The following LANCL3 variants were observed in gnomAD, a reference collection of about 807,000 sequenced individuals.
LANCL3 encodes lanC-like protein 3.
Under a neutral mutation model 26.5 loss-of-function variants are expected in LANCL3, and 19 were observed. The observed-to-expected ratio is 0.72, with a 90% CI of 0.50 to 1.05. LANCL3 has a LOEUF of 1.05. Among genes scored for constraint, LANCL3 ranks in the 50% least tolerant of loss-of-function variants. The pLI is 0.00. For synonymous variants in LANCL3, 160 were observed against 166.6 expected (o/e 0.96, Z 0.30); for missense variants, 318 against 362.7 (o/e 0.88, Z 1.00).
chrX:37,659,652 C>T lies in LANCL3; in HGVS notation c.888C>T (p.Gly296=), dbSNP rs781867184. The T allele has an allele frequency of 4.0e-5, 48 of 1,204,347 alleles. No homozygotes were observed. The highest frequency in any genetic ancestry group is 1.2e-4 in the South Asian group (7 of 56,431). ...ATGAGCTGGTGCACTGGTGCCATGG[C>T]GCTCCAGGTCTCACACACTCTGTTA... ...RENELVHWCH[G]APGIAYLFAK... The change falls in exon 3 of 5, where the codon GGC becomes GGT. Residue 296 remains glycine (G), a synonymous_variant. Coordinates refer to ENST00000378619, the MANE Select transcript of LANCL3 (RefSeq NM_001170331.2).
At chrX:37,591,286 C>A (rs1924266691) in intron 1 of LANCL3, among the ~76,000 whole-genome samples, 1 of 111,712 alleles carries the variant, frequency 9.0e-6, no homozygotes, top group Non-Finnish European at 1.9e-5. Flanking sequence ...CTTGGGCTTG[C>A]ACCCCAAGAT....
intron 1 of LANCL3, among the ~76,000 whole-genome samples, chrX:37,597,668 CTTTTTTTTTT>C (rs57097813): frequency 2.5e-5 from 2 of 79,831 alleles, no homozygotes; most frequent in Non-Finnish European, 4.7e-5. Context: ...CACACGCCAC[CTTTTTTTTTT>C]TTTTTTTTTT....
chrX:37,666,129 C>T (rs188917742), intron 3 of LANCL3, among the ~76,000 whole-genome samples: 17 of 111,812 alleles, frequency 1.5e-4, no homozygotes, highest in Non-Finnish European at 2.4e-4. Flanking sequence ...AATCATGACT[C>T]TCATACAAAT....
At chrX:37,593,417 A>C (rs1355759988) in intron 1 of LANCL3, among the ~76,000 whole-genome samples, 2 of 112,444 alleles carry the variant, frequency 1.8e-5, no homozygotes, top group African/African-American at 6.5e-5. Context: ...AAAGTTTCAT[A>C]TTCCATGTTA....
chrX:37,587,527 G>A (rs1207882345), intron 1 of LANCL3, among the ~76,000 whole-genome samples: 19 of 112,713 alleles, frequency 1.7e-4, no homozygotes, highest in African/African-American at 5.5e-4. Context: ...TGCTGCTGCC[G>A]TGCAGTTCGA....
chrX:37,664,409 T>C (rs187274200), intron 3 of LANCL3, among the ~76,000 whole-genome samples: 23 of 112,339 alleles, frequency 2.0e-4, no homozygotes, highest in Admixed American at 2.0e-3. Flanking sequence ...GCCTGGCATA[T>C]AGCAGATGCC....
chrX:37,629,668 G>A (rs1219995297), intron 1 of LANCL3, among the ~76,000 whole-genome samples: 2 of 109,448 alleles, frequency 1.8e-5, no homozygotes, highest in Non-Finnish European at 3.8e-5. Context: ...TCTACATATG[G>A]CTAGCCAGTT....
chrX:37,644,359 A>G (rs968802348), intron 1 of LANCL3, among the ~76,000 whole-genome samples: 3 of 111,975 alleles, frequency 2.7e-5, no homozygotes, highest in African/African-American at 9.8e-5. Flanking sequence ...AACATTTGAG[A>G]AGCTGTGGCC....
chrX:37,667,510 C>CTT (rs146169882), intron 4 of LANCL3, 21 bp downstream of exon 4: 2,665 of 819,475 alleles, frequency 3.3e-3, no homozygotes, highest in African/African-American at 0.021. Context: ...CTTTATGGGT[C>CTT]TTTTTTTTTT....
intron 1 of LANCL3, among the ~76,000 whole-genome samples, chrX:37,634,268 T>G (rs1407413891): frequency 1.8e-5 from 2 of 112,366 alleles, no homozygotes; most frequent in Admixed American, 9.3e-5. Context: ...TGGTGCGCCG[T>G]TTTTTAAGCC....
At chrX:37,647,187 G>A (rs781869822) in intron 1 of LANCL3, among the ~76,000 whole-genome samples, 5 of 110,454 alleles carry the variant, frequency 4.5e-5, no homozygotes, top group South Asian at 7.9e-4. Flanking sequence ...GGTGGCAGGC[G>A]CCTGTAGTCC....
chrX:37,616,564 G>T (rs1243633891), intron 1 of LANCL3, among the ~76,000 whole-genome samples: 1 of 112,125 alleles, frequency 8.9e-6, no homozygotes, highest in Non-Finnish European at 1.9e-5. Context: ...CTGACTAGAA[G>T]ATCAGTGACT....
intron 1 of LANCL3, among the ~76,000 whole-genome samples, chrX:37,623,634 A>G (rs1556422631): frequency 8.9e-6 from 1 of 112,233 alleles, no homozygotes; most frequent in East Asian, 2.8e-4. Context: ...TATATGATTT[A>G]TTTTTATTAA....
chrX:37,669,994 ATAGT>A lies in LANCL3; in HGVS notation c.1103+2508_1103+2511del, dbSNP rs782249765. Among the ~76,000 whole-genome samples, 725 of 112,641 alleles carry A rather than the reference ATAGT, an allele frequency of 6.4e-3. 6 individuals carry two copies. Among genetic ancestry groups the A allele is most frequent in the African/African-American group, 0.022 (698 of 31,036 alleles). On this transcript the variant is annotated intron_variant, in intron 4 of 4. Coordinates refer to ENST00000378619, the MANE Select transcript of LANCL3 (RefSeq NM_001170331.2). ...CTATCTCATTTTTTAAAATGGCTATATAGTTATTCACTATGCATGTATGATAATT... is the reference window on the plus strand; with the variant it reads ...CTATCTCATTTTTTAAAATGGCTATATATTCACTATGCATGTATGATAATT...
intron 1 of LANCL3, among the ~76,000 whole-genome samples, chrX:37,576,009 A>G (rs5917932): frequency 4.5e-5 from 5 of 111,874 alleles, no homozygotes; most frequent in African/African-American, 1.3e-4. Context: ...AACTGATTCT[A>G]TTTCTCACTT....
intron 1 of LANCL3, among the ~76,000 whole-genome samples, chrX:37,607,570 A>T (rs1924750675): frequency 8.9e-6 from 1 of 112,682 alleles, no homozygotes; most frequent in Non-Finnish European, 1.9e-5. Flanking sequence ...ATATTTTCAA[A>T]ACAAATATCA....
intron 1 of LANCL3, among the ~76,000 whole-genome samples, chrX:37,586,448 T>C (rs1924083818): frequency 8.9e-6 from 1 of 112,092 alleles, no homozygotes; most frequent in African/African-American, 3.2e-5. Context: ...CAGACGTACA[T>C]TTGGTCTTTT....
At chrX:37,593,286 A>G (rs1296473451) in intron 1 of LANCL3, among the ~76,000 whole-genome samples, 1 of 111,550 alleles carries the variant, frequency 9.0e-6, no homozygotes, top group African/African-American at 3.3e-5. Flanking sequence ...AAAGGAGACA[A>G]AAGTAGGACT....
At chrX:37,642,641 G>A (rs1372324458) in intron 1 of LANCL3, among the ~76,000 whole-genome samples, 1 of 111,848 alleles carries the variant, frequency 8.9e-6, no homozygotes, top group Non-Finnish European at 1.9e-5. Flanking sequence ...TTTCCATGAA[G>A]CTCCTGCAGA....
Sources: allele counts gnomAD v4.1 joint callset (sites outside exome capture counted in the v4.1 genomes callset), GRCh38; gene constraint gnomAD v4.1.1; transcripts MANE v1.5; gene names NCBI Gene and HGNC (gene_info 2026-07-23, HGNC 2026-07-21).